RNF111: variants seen among roughly 807,000 people sequenced by gnomAD.
RNF111 encodes the protein E3 ubiquitin-protein ligase Arkadia.
RNF111 carries 17 observed loss-of-function variants against 95.1 expected under a neutral mutation model. That is an observed-to-expected ratio of 0.18 (90% confidence interval 0.12 to 0.27). RNF111 has a LOEUF of 0.27. RNF111 is among the 10% of genes least tolerant of loss of function. RNF111 has a pLI of 1.00. For missense variants in RNF111, 1,189 were observed against 1,210.4 expected (o/e 0.98, Z 0.26); for synonymous variants, 440 against 414.8 (o/e 1.06, Z -0.74).
chr15:59,068,460 G>A (rs1456620331), intron 6 of RNF111, among the ~76,000 whole-genome samples: 1 of 151,824 alleles, frequency 6.6e-6, no homozygotes, highest in African/African-American at 2.4e-5. Flanking sequence ...ACAAAAATTA[G>A]CTGGGTGTGA....
In RNF111 at chr15:59,041,310, C is replaced by T. The variant is rs527696080; in HGVS notation, c.880+9608C>T. On this transcript the variant is annotated intron_variant, in intron 2 of 13. Coordinates refer to ENST00000348370, the MANE Select transcript of RNF111 (RefSeq NM_017610.8). ...GTGGCTCACGCCTGTAATCCCAGCA[C>T]TTTGGGAGGCCGAGGCGGGTGGATC... Among the ~76,000 whole-genome samples the T allele has an allele frequency of 8.8e-4, 134 of 152,264 alleles. 2 individuals are homozygous for T. The highest frequency in any genetic ancestry group is 3.4e-3 in the Middle Eastern group (1 of 294).
At chr15:59,088,484 A>G (rs1253420578) in intron 10 of RNF111, among the ~76,000 whole-genome samples, 2 of 152,256 alleles carry the variant, frequency 1.3e-5, no homozygotes, top group Non-Finnish European at 2.9e-5. Context: ...GCTTATTTAA[A>G]TTCTTTTCCA....
chr15:59,051,459 A>G (rs2041979275), intron 2 of RNF111, among the ~76,000 whole-genome samples: 1 of 148,086 alleles, frequency 6.8e-6, no homozygotes, highest in Non-Finnish European at 1.5e-5. Flanking sequence ...CTCTGTCTCA[A>G]AAAAAAAAAG....
At chr15:59,070,972 A>G (rs1055099510) in intron 6 of RNF111, among the ~76,000 whole-genome samples, 28 of 152,160 alleles carry the variant, frequency 1.8e-4, no homozygotes, top group African/African-American at 4.8e-5. Context: ...GTATGGTTCC[A>G]CTGAACCTAA....
chr15:59,030,697 G>T, intron 1 of RNF111, 107 bp from the exon 2 acceptor site: 1 of 734,232 alleles, frequency 1.4e-6, no homozygotes. Context: ...GGAAAAGACA[G>T]TTCTGCCTTT....
rs1326525756 is a variant in RNF111 at position 59,084,367 on chromosome 15, C to T, written c.2423+113C>T. On this transcript the variant is annotated intron_variant, in intron 9 of 13. Transcript: ENST00000348370. Reference sequence around the variant, plus strand: ...GAAGGATGATGTGGAGAAACCTAATCCCCAGTTTAACTGAGACACTGCCTC... The same window carrying T: ...GAAGGATGATGTGGAGAAACCTAATTCCCAGTTTAACTGAGACACTGCCTC... 6.4e-6 allele frequency: 7 copies of T among 1,100,834 alleles called. No homozygotes were observed. The African/African-American group carries it at 1.1e-4, about 18-fold the overall frequency. The allele number at this position is 1,100,834 out of a possible 1,614,324, so 68.2% of individuals were successfully genotyped here.
intron 11 of RNF111, among the ~76,000 whole-genome samples, chr15:59,090,017 A>G (rs1341415267): frequency 3.3e-5 from 5 of 152,240 alleles, no homozygotes; most frequent in African/African-American, 9.6e-5. Flanking sequence ...AAATCAATAT[A>G]AATGTCAGAT....
intron 1 of RNF111, among the ~76,000 whole-genome samples, chr15:59,012,053 C>T (rs1385201760): frequency 2.3e-4 from 26 of 110,916 alleles, no homozygotes; most frequent in Admixed American, 2.3e-3. Context: ...CTCGCTCTGT[C>T]ACCCAGGCGG....
chr15:59,053,984 G>A (rs1403197615), intron 3 of RNF111, among the ~76,000 whole-genome samples: 1 of 152,154 alleles, frequency 6.6e-6, no homozygotes, highest in Non-Finnish European at 1.5e-5. Flanking sequence ...CACCCAGGCT[G>A]GAGGGCAGTG....
chr15:59,011,184 C>G (rs1420712385), intron 1 of RNF111, among the ~76,000 whole-genome samples: 1 of 152,166 alleles, frequency 6.6e-6, no homozygotes, highest in African/African-American at 2.4e-5. Flanking sequence ...CTCTGTTCTT[C>G]GAATTTCACT....
At chr15:59,085,556 A>G in intron 9 of RNF111, 103 bp from the exon 10 acceptor site, 1 of 993,598 alleles carries the variant, frequency 1.0e-6, no homozygotes, top group East Asian at 2.9e-5. Context: ...TTTGTAAGTT[A>G]AGAAACCTTA....
intron 1 of RNF111, among the ~76,000 whole-genome samples, chr15:59,012,101 C>G (rs1357762802): frequency 4.4e-5 from 6 of 135,006 alleles, no homozygotes; most frequent in Admixed American, 1.7e-4. Context: ...TCACTGTAAC[C>G]TCCGCCTCCT....
At chr15:59,006,809 T>TG (rs1489325440) in intron 1 of RNF111, among the ~76,000 whole-genome samples, 1 of 152,178 alleles carries the variant, frequency 6.6e-6, no homozygotes, top group Non-Finnish European at 1.5e-5. Context: ...TTCTTTGAGA[T>TG]GGAGTCTTGC....
At chr15:59,077,409 C>T (rs976935563) in intron 7 of RNF111, among the ~76,000 whole-genome samples, 4 of 152,154 alleles carry the variant, frequency 2.6e-5, no homozygotes, top group African/African-American at 4.8e-5. Flanking sequence ...AAAGCTTCCT[C>T]GCACAGCTTA....
At chr15:59,030,422 T>G (rs1321816401) in intron 1 of RNF111, among the ~76,000 whole-genome samples, 1 of 152,220 alleles carries the variant, frequency 6.6e-6, no homozygotes, top group African/African-American at 2.4e-5. Context: ...GTTGACTAAT[T>G]AGTCTTTTGA....
At position 59,096,449 on chromosome 15, in the gene RNF111, G is replaced by A; in HGVS notation, c.*1549G>A. ...CTATTGTCTTTGTGTTTCATAATTAGTTTTTATAAAAACAGTTTACATTAA... is the reference window on the plus strand; with the variant it reads ...CTATTGTCTTTGTGTTTCATAATTAATTTTTATAAAAACAGTTTACATTAA... On this transcript the variant is annotated 3_prime_UTR_variant, in exon 14 of 14. Coordinates refer to ENST00000348370, the MANE Select transcript of RNF111 (RefSeq NM_017610.8). 5.7e-6 allele frequency: 1 copy of A among 176,976 alleles called. No individual in the cohort carries two copies. 11.0% of individuals were successfully genotyped at this position (176,976 alleles called of 1,614,324 possible).
chr15:59,051,311 A>G (rs1477704207), intron 2 of RNF111, among the ~76,000 whole-genome samples: 3 of 151,986 alleles, frequency 2.0e-5, no homozygotes. Flanking sequence ...AAAAAAAATT[A>G]GCTGGGCCTG....
At chr15:58,988,621 A>G (rs2038674842) in intron 1 of RNF111, among the ~76,000 whole-genome samples, 1 of 152,242 alleles carries the variant, frequency 6.6e-6, no homozygotes, top group African/African-American at 2.4e-5. Flanking sequence ...TCAGTGCTAT[A>G]GTGGGAATAT....
At chr15:59,045,881 A>G (rs2041685180) in intron 2 of RNF111, among the ~76,000 whole-genome samples, 1 of 152,314 alleles carries the variant, frequency 6.6e-6, no homozygotes, top group Admixed American at 6.5e-5. Context: ...CTACAATATT[A>G]TTTTAAATAG....
Sources: gnomAD v4.1 joint callset for allele counts (sites outside exome capture counted in the v4.1 genomes callset) on GRCh38, gnomAD v4.1.1 for gene constraint, MANE v1.5 for transcripts, NCBI Gene and HGNC (gene_info 2026-07-23, HGNC 2026-07-21) for gene names.